The following PLXDC2 variants were observed in gnomAD, a reference collection of about 807,000 sequenced individuals.
PLXDC2 encodes plexin domain containing 2.
PLXDC2 carries 40 observed loss-of-function variants against 68.9 expected under a neutral mutation model. The ratio of observed to expected loss-of-function variants is 0.58; its 90% CI spans 0.45 to 0.76. PLXDC2 has a LOEUF of 0.76. PLXDC2 is among the 30% of genes least tolerant of loss of function. The probability of loss-of-function intolerance (pLI) is 0.00; values close to 1 mark genes in which losing one functional copy is unlikely to be tolerated. For synonymous variants in PLXDC2, 243 were observed against 234.2 expected, an observed-to-expected ratio of 1.04 and a Z score of -0.34; for missense variants, 644 against 661.9, an observed-to-expected ratio of 0.97 and a Z score of 0.30.
At chr10:19,909,006 A>C (rs186185470) in intron 1 of PLXDC2, among the ~76,000 whole-genome samples, 1 of 152,200 alleles carries the variant, frequency 6.6e-6, no homozygotes, top group African/African-American at 2.4e-5. Context: ...GAACTTATAC[A>C]CTAGCAAAGT....
In PLXDC2 at chr10:20,225,653, C is replaced by A. The variant is rs1334186881; in HGVS notation, c.1312+6551C>A. On this transcript the variant is annotated intron_variant, in intron 12 of 13. Transcript: ENST00000377252. Reference sequence around the variant, plus strand: ...TAGGATTTCTCTCCCAAACTTTTATCTAGAGCTGTGGTTCTTAACTTTTTC... The same window carrying A: ...TAGGATTTCTCTCCCAAACTTTTATATAGAGCTGTGGTTCTTAACTTTTTC... 2.0e-5 allele frequency among the ~76,000 whole-genome samples: 3 copies of A among 152,152 alleles called. No individual in the cohort carries two copies. The East Asian group carries it at 5.8e-4, about 29-fold the overall frequency.
At chr10:20,098,162 A>G (rs1171455680) in intron 4 of PLXDC2, among the ~76,000 whole-genome samples, 1 of 152,120 alleles carries the variant, frequency 6.6e-6, no homozygotes, top group Non-Finnish European at 1.5e-5. Context: ...TCTGGAGGCC[A>G]GAAGTCCAAA....
rs183166237 is a variant in PLXDC2, at chr10:19,981,879, G to A, written c.113-19896G>A. On this transcript the variant is annotated intron_variant, in intron 1 of 13. Transcript: ENST00000377252. ...TTGCCCTTCAGGCCTTTCTGAAGAT[G>A]AAGTGCTAGTCCCGATTCATTGTAA... Among the ~76,000 whole-genome samples the A allele has an allele frequency of 4.6e-5, 7 of 152,324 alleles. No homozygotes were observed. The East Asian group carries it at 1.4e-3, about 29-fold the overall frequency.
intron 10 of PLXDC2, among the ~76,000 whole-genome samples, chr10:20,212,545 G>C (rs1024193987): frequency 2.6e-5 from 4 of 151,958 alleles, no homozygotes; most frequent in African/African-American, 9.7e-5. Flanking sequence ...ATTAAGTTTT[G>C]GGGTATCAAT....
At chr10:20,278,973 G>A (rs1035516810) in intron 13 of PLXDC2, among the ~76,000 whole-genome samples, 2 of 152,120 alleles carry the variant, frequency 1.3e-5, no homozygotes, top group Admixed American at 6.6e-5. Context: ...TTGATGGATG[G>A]AGTGCTGAGA....
intron 1 of PLXDC2, among the ~76,000 whole-genome samples, chr10:19,991,274 C>A (rs1387754267): frequency 6.7e-6 from 1 of 148,498 alleles, no homozygotes; most frequent in East Asian, 2.0e-4. Context: ...AACTGTGATT[C>A]AGTTTGTGAA....
At chr10:19,995,189 G>A (rs769615818) in intron 1 of PLXDC2, among the ~76,000 whole-genome samples, 1 of 152,100 alleles carries the variant, frequency 6.6e-6, no homozygotes, top group African/African-American at 2.4e-5. Flanking sequence ...CCCAGCTTTG[G>A]TGATTTTGCT....
At chr10:19,826,166 A>T (rs1473478321) in intron 1 of PLXDC2, among the ~76,000 whole-genome samples, 3 of 152,324 alleles carry the variant, frequency 2.0e-5, no homozygotes, top group East Asian at 1.9e-4. Context: ...TAATTTAAAA[A>T]CATTCAACCT....
intron 6 of PLXDC2, among the ~76,000 whole-genome samples, chr10:20,162,909 CAAAAAAAA>C (rs71390763): frequency 1.3e-4 from 13 of 98,060 alleles, no homozygotes; most frequent in Admixed American, 2.5e-4. Context: ...ACTAAAAATA[CAAAAAAAA>C]AAAAAAAAAA....
At chr10:20,121,395 T>A (rs1328061057) in intron 4 of PLXDC2, among the ~76,000 whole-genome samples, 4 of 152,020 alleles carry the variant, frequency 2.6e-5, no homozygotes, top group Non-Finnish European at 5.9e-5. Context: ...TTGTAAGGGA[T>A]TGAGGTTTGG....
intron 4 of PLXDC2, among the ~76,000 whole-genome samples, chr10:20,092,044 C>T (rs1833283827): frequency 6.9e-6 from 1 of 144,986 alleles, no homozygotes; most frequent in Non-Finnish European, 1.5e-5. Flanking sequence ...CAAATATTTA[C>T]TAAGCGAAAC....
chr10:20,113,410 AGCCCTTTC>A (rs1262382723), intron 4 of PLXDC2, among the ~76,000 whole-genome samples: 1 of 152,124 alleles, frequency 6.6e-6, no homozygotes, highest in East Asian at 1.9e-4. Flanking sequence ...CGCCTTCCTC[AGCCCTTTC>A]GCCCTTTATC....
intron 1 of PLXDC2, among the ~76,000 whole-genome samples, chr10:19,869,821 C>T (rs539154755): frequency 5.6e-4 from 85 of 152,066 alleles, no homozygotes; most frequent in Middle Eastern, 3.4e-3. Context: ...CCCACTCCCC[C>T]GCCACTGCCA....
At chr10:20,034,996 C>G (rs78019939) in intron 2 of PLXDC2, among the ~76,000 whole-genome samples, 3,142 of 152,230 alleles carry the variant, frequency 0.021, 104 homozygotes, top group African/African-American at 0.071. Flanking sequence ...TTAAGCAACC[C>G]ATGACTGTTT....
At chr10:19,978,950 A>G (rs1036784935) in intron 1 of PLXDC2, among the ~76,000 whole-genome samples, 1 of 152,224 alleles carries the variant, frequency 6.6e-6, no homozygotes. Context: ...AATCTTGACT[A>G]TTATTACCTA....
At chr10:20,259,980 G>A (rs531978951) in intron 13 of PLXDC2, among the ~76,000 whole-genome samples, 5 of 152,220 alleles carry the variant, frequency 3.3e-5, no homozygotes, top group African/African-American at 4.8e-5. Context: ...GAAGGGAGTC[G>A]AGAAATACTA....
At chr10:19,900,887 A>G (rs529468698) in intron 1 of PLXDC2, among the ~76,000 whole-genome samples, 2 of 151,990 alleles carry the variant, frequency 1.3e-5, no homozygotes, top group Non-Finnish European at 2.9e-5. Context: ...TACTTCATTT[A>G]GAATAATAGT....
chr10:20,084,373 G>A (rs1833161404), intron 4 of PLXDC2, among the ~76,000 whole-genome samples: 1 of 152,124 alleles, frequency 6.6e-6, no homozygotes, highest in African/African-American at 2.4e-5. Context: ...CTTTGAGTAA[G>A]GCTCCAAAAA....
intron 10 of PLXDC2, among the ~76,000 whole-genome samples, chr10:20,216,165 G>A (rs61501228): frequency 0.024 from 3,697 of 152,180 alleles, 156 homozygotes; most frequent in African/African-American, 0.084. Context: ...GAAATGAGTG[G>A]TTGAAGTAAT....
Sources: gnomAD v4.1 joint callset for allele counts (sites outside exome capture counted in the v4.1 genomes callset) on GRCh38, gnomAD v4.1.1 for gene constraint, MANE v1.5 for transcripts, NCBI Gene and HGNC (gene_info 2026-07-23, HGNC 2026-07-21) for gene names.